Variants in EFHB observed in about 807,000 individuals in gnomAD.
EFHB encodes the protein EF-hand domain-containing family member B.
Under a neutral mutation model 87.2 loss-of-function variants are expected in EFHB, and 91 were observed. That is an observed-to-expected ratio of 1.04 (90% CI 0.88 to 1.24). The LOEUF (loss-of-function observed/expected upper bound fraction) is 1.24. EFHB is among the 50% of genes most tolerant of loss of function. The pLI, the probability that EFHB is intolerant of heterozygous loss-of-function variation, is 0.00. For missense variants in EFHB, 1,084 were observed against 998.8 expected, an observed-to-expected ratio of 1.09 and a Z score of -1.15; for synonymous variants, 325 against 333.6, an observed-to-expected ratio of 0.97 and a Z score of 0.28.
At chr3:19,896,942 A>G in intron 8 of EFHB, 101 bp from the exon 9 acceptor site, 1 of 1,031,858 alleles carries the variant, frequency 9.7e-7, no homozygotes, top group Non-Finnish European at 1.4e-6. Context: ...CTGTGAATGA[A>G]AGAAACATCT....
intron 6 of EFHB, among the ~76,000 whole-genome samples, chr3:19,903,340 C>T (rs958858501): frequency 4.6e-5 from 7 of 152,078 alleles, no homozygotes; most frequent in Admixed American, 4.6e-4. Flanking sequence ...TTGATATTTG[C>T]TCTGCTCTTA....
intron 5 of EFHB, among the ~76,000 whole-genome samples, chr3:19,910,762 C>G (rs1226982593): frequency 4.6e-5 from 7 of 152,204 alleles, no homozygotes; most frequent in Non-Finnish European, 1.0e-4. Flanking sequence ...GAGAGAAAGA[C>G]TGTATGTTTA....
intron 1 of EFHB, among the ~76,000 whole-genome samples, chr3:19,942,584 T>C: frequency 6.6e-6 from 1 of 152,326 alleles, no homozygotes; most frequent in South Asian, 2.1e-4. Context: ...TATTATTACA[T>C]TGTAATATAT....
In EFHB at chr3:19,879,517, T is replaced by C. The variant is rs1371679277; in HGVS notation, c.*114A>G. On this transcript the variant is annotated 3_prime_UTR_variant, in exon 13 of 13. Transcript: ENST00000295824. Reference sequence around the variant, plus strand: ...TTTATTAGCAACACATACAGGCATATGAGTCTTACCACTGTGAACTCTAAC... The same window carrying C: ...TTTATTAGCAACACATACAGGCATACGAGTCTTACCACTGTGAACTCTAAC... 2.4e-5 allele frequency: 27 copies of C among 1,147,040 alleles called. No individual in the cohort carries two copies. In the East Asian group the frequency reaches 6.1e-4, roughly 26 times the overall value. The allele number at this position is 1,147,040 out of a possible 1,614,324, so 71.1% of individuals were successfully genotyped here. A position where few individuals can be genotyped will look rare whatever the true frequency, so the allele number is the denominator to read the frequency against.
At chr3:19,927,910 A>G (rs1048009357) in intron 1 of EFHB, among the ~76,000 whole-genome samples, 1 of 150,056 alleles carries the variant, frequency 6.7e-6, no homozygotes, top group African/African-American at 2.4e-5. Flanking sequence ...TACTATAAAT[A>G]CTGTAGTATA....
At chr3:19,882,858 T>C in intron 11 of EFHB, 127 bp from the exon 12 acceptor site, 1 of 754,870 alleles carries the variant, frequency 1.3e-6, no homozygotes, top group South Asian at 5.4e-5. Flanking sequence ...GTATTCCAAA[T>C]GTAAAATTCA....
chr3:19,913,358 C>T (rs1322811900), intron 5 of EFHB, among the ~76,000 whole-genome samples: 3 of 152,068 alleles, frequency 2.0e-5, no homozygotes, highest in Non-Finnish European at 2.9e-5. Flanking sequence ...TTACAAGATA[C>T]AAAATAAACA....
At chr3:19,909,110 C>T (rs1694968314) in intron 5 of EFHB, among the ~76,000 whole-genome samples, 1 of 144,582 alleles carries the variant, frequency 6.9e-6, no homozygotes, top group Admixed American at 7.2e-5. Context: ...ATCAGGTGGG[C>T]AACTCATAGT....
intron 1 of EFHB, chr3:19,946,159 T>C (rs976198890): frequency 3.9e-5 from 6 of 152,310 alleles, no homozygotes; most frequent in African/African-American, 1.4e-4. Flanking sequence ...ACTCACGTTC[T>C]GGAGCCAACC....
chr3:19,928,498 A>T lies in EFHB; in HGVS notation c.789+4732T>A, dbSNP rs568475926. Among the ~76,000 whole-genome samples, 3 of 152,246 alleles carry T rather than the reference A, an allele frequency of 2.0e-5. No homozygotes were observed. The South Asian group carries it at 6.2e-4, about 32-fold the overall frequency. On this transcript the variant is annotated intron_variant, in intron 1 of 12. Transcript: ENST00000295824. ...GCGGAGTCTCGCTCTGTCGCCCAGG[A>T]CAGTGGTGCGATCTTGGCTCACTGC...
Position 19,905,749 on chromosome 3 carries a change from C to A in EFHB, c.1289G>T (p.Gly430Val). The A allele has an allele frequency of 6.2e-7, 1 of 1,601,782 alleles. No homozygotes were observed. Reference sequence around the variant, plus strand: ...GTTATACTTTCGGTTCTTTGCCTCTCCTGTGGAAAAAGAAAGGAAGACTTA... The same window carrying A: ...GTTATACTTTCGGTTCTTTGCCTCTACTGTGGAAAAAGAAAGGAAGACTTA... ...YVVSHNDYYAGEAKNRKYNPS... is the reference protein window; with the variant it reads ...YVVSHNDYYAVEAKNRKYNPS... The change falls in exon 6 of 13, where the codon GGA becomes GTA. Residue 430 changes from glycine to valine, a missense_variant and splice_region_variant. Physicochemically the swap from Gly to Val is moderately radical, Grantham distance 109 (BLOSUM62 -3). Coordinates refer to ENST00000295824, the MANE Select transcript of EFHB (RefSeq NM_144715.4).
chr3:19,904,288 T>C (rs1336520704), intron 6 of EFHB, among the ~76,000 whole-genome samples: 1 of 152,248 alleles, frequency 6.6e-6, no homozygotes, highest in Non-Finnish European at 1.5e-5. Context: ...CTCACAGTCC[T>C]AGAAGCCAGA....
At chr3:19,932,551 TACTG>T (rs1228575836) in intron 1 of EFHB, among the ~76,000 whole-genome samples, 2 of 152,360 alleles carry the variant, frequency 1.3e-5, no homozygotes, top group East Asian at 3.9e-4. Flanking sequence ...TTCAGACAAA[TACTG>T]ACACCTTTCG....
At chr3:19,942,426 A>T (rs546732520) in intron 1 of EFHB, 3 of 152,488 alleles carry the variant, frequency 2.0e-5, no homozygotes, top group African/African-American at 7.2e-5. Context: ...TTGTCAGAAT[A>T]ACAGAGCAGC....
chr3:19,907,362 T>C (rs1402765986), intron 5 of EFHB, among the ~76,000 whole-genome samples: 1 of 152,180 alleles, frequency 6.6e-6, no homozygotes, highest in Non-Finnish European at 1.5e-5. Flanking sequence ...AGAACTTTAA[T>C]ATTTAGAAAG....
intron 6 of EFHB, among the ~76,000 whole-genome samples, chr3:19,904,319 G>T (rs533457722): frequency 8.5e-4 from 130 of 152,290 alleles, no homozygotes; most frequent in African/African-American, 3.1e-3. Context: ...CAAAGTGTCA[G>T]TAAGGCCACA....
intron 9 of EFHB, among the ~76,000 whole-genome samples, chr3:19,889,006 C>T (rs369154054): frequency 7.9e-5 from 12 of 152,170 alleles, no homozygotes; most frequent in Non-Finnish European, 1.6e-4. Context: ...GACAAGTTCA[C>T]GGAGGTGGGT....
chr3:19,933,409 C>T lies in EFHB; in HGVS notation c.610G>A (p.Glu204Lys), dbSNP rs1442572322. Residue 204 changes from glutamate (E) to lysine (K), a missense_variant, in exon 1 of 13, where the codon GAG (glutamate) becomes AAG (lysine). Transcript: ENST00000295824. ...ATTTGGGGCTCTGTATTCTTAGTCT[C>T]ATCTGGCCCCTCGGCTTGGGTTAGT... ...IGLTQAEGPD[E>K]TKNTEPQMGL... 6.2e-7 allele frequency: 1 copy of T among 1,613,898 alleles called. No individual in the cohort carries two copies. Among genetic ancestry groups the T allele is most frequent in the Non-Finnish European group, 8.5e-7 (1 of 1,179,896 alleles).
chr3:19,903,113 G>C (rs1475964154), intron 6 of EFHB, among the ~76,000 whole-genome samples: 1 of 151,858 alleles, frequency 6.6e-6, no homozygotes, highest in East Asian at 1.9e-4. Context: ...GAAGGCAAAG[G>C]TTGCAGTGAG....
Sources: allele counts gnomAD v4.1 joint callset (sites outside exome capture counted in the v4.1 genomes callset), GRCh38; gene constraint gnomAD v4.1.1; transcripts MANE v1.5; gene names NCBI Gene and HGNC (gene_info 2026-07-23, HGNC 2026-07-21).